The following PEX14 variants were observed in gnomAD, a reference collection of about 807,000 sequenced individuals.
PEX14 encodes peroxisomal biogenesis factor 14.
A neutral mutation model predicts 49.5 loss-of-function variants in PEX14; 15 were observed. The observed-to-expected ratio is 0.30, with a 90% CI of 0.20 to 0.47. The LOEUF (loss-of-function observed/expected upper bound fraction) is 0.47, where lower values mean the gene tolerates loss of function less well. Among genes scored for constraint, PEX14 ranks in the 20% least tolerant of loss-of-function variants. PEX14 has a pLI of 1.00. For synonymous variants in PEX14, 210 were observed against 212.7 expected (o/e 0.99, Z 0.11); for missense variants, 398 against 494.8 (o/e 0.80, Z 1.86).
At chr1:10,475,301 A>G (rs1006564634) in intron 1 of PEX14, among the ~76,000 whole-genome samples, 1 of 151,880 alleles carries the variant, frequency 6.6e-6, no homozygotes, top group Non-Finnish European at 1.5e-5. Context: ...GGGTGACGGG[A>G]CCCTTGGGAA....
At chr1:10,590,808 G>A (rs1306851744) in intron 3 of PEX14, among the ~76,000 whole-genome samples, 1 of 152,222 alleles carries the variant, frequency 6.6e-6, no homozygotes, top group East Asian at 1.9e-4. Flanking sequence ...TCAGATTAAT[G>A]TGAGGACTTG....
intron 3 of PEX14, 113 bp downstream of exon 3, chr1:10,536,410 C>A: frequency 1.3e-6 from 1 of 755,922 alleles, no homozygotes; most frequent in Non-Finnish European, 2.4e-6. Context: ...TAGAGCTGCC[C>A]ACTCATGGGG....
chr1:10,529,117 C>T lies in PEX14; in HGVS notation c.85-7096C>T, dbSNP rs905314665. ...TGCTATCTAAATTCAGGTGGGGATG[C>T]GTGGGGACAAGGCATTTAAATGTGC... On this transcript the variant is annotated intron_variant, in intron 2 of 8. Coordinates refer to ENST00000356607, the MANE Select transcript of PEX14 (RefSeq NM_004565.3). This position sits in a 1 kb window ranked among gnomAD's most constrained non-coding sequence, Gnocchi z 4.2. 5.3e-5 allele frequency among the ~76,000 whole-genome samples: 8 copies of T among 152,256 alleles called. No homozygotes were observed. The highest frequency in any genetic ancestry group is 1.9e-4 in the East Asian group (1 of 5,192).
intron 2 of PEX14, among the ~76,000 whole-genome samples, chr1:10,506,474 T>C (rs935545339): frequency 6.6e-6 from 1 of 152,086 alleles, no homozygotes; most frequent in African/African-American, 2.4e-5. Context: ...ACGAGGTTTC[T>C]GTATGTTGGT....
At chr1:10,499,361 T>G (rs938723598) in intron 2 of PEX14, among the ~76,000 whole-genome samples, 2 of 152,120 alleles carry the variant, frequency 1.3e-5, no homozygotes, top group East Asian at 3.8e-4. Flanking sequence ...CGTCTCTTCC[T>G]TTAACTTTTA....
chr1:10,557,294 C>G (rs61777205), intron 3 of PEX14, among the ~76,000 whole-genome samples: 6,699 of 152,186 alleles, frequency 0.044, 327 homozygotes, highest in African/African-American at 0.11. Context: ...GGGTAAAAAC[C>G]TCAGAGTTAG....
chr1:10,540,829 G>A (rs755311934), intron 3 of PEX14, among the ~76,000 whole-genome samples: 23 of 152,070 alleles, frequency 1.5e-4, no homozygotes, highest in Non-Finnish European at 2.1e-4. Flanking sequence ...AAACTCCTGC[G>A]GCTGAGCTGG....
chr1:10,622,505 A>G (rs1364405286), intron 5 of PEX14, among the ~76,000 whole-genome samples: 1 of 152,186 alleles, frequency 6.6e-6, no homozygotes, highest in African/African-American at 2.4e-5. Context: ...TAGTTTCTCC[A>G]GCGATGTTTT....
In PEX14 at chr1:10,553,235, G is replaced by A. The variant is rs72870932; in HGVS notation, c.169+16938G>A. 6.0e-3 allele frequency among the ~76,000 whole-genome samples: 907 copies of A among 152,326 alleles called. 6 individuals carry two copies. The highest frequency in any genetic ancestry group is 0.02 in the African/African-American group (852 of 41,568). Reference sequence around the variant, plus strand: ...CAGAATCTCCTGGGAATTGGTGGCTGAATGGATGCAAGAGTGAAGAAGAGG... The same window carrying A: ...CAGAATCTCCTGGGAATTGGTGGCTAAATGGATGCAAGAGTGAAGAAGAGG... On this transcript the variant is annotated intron_variant, in intron 3 of 8. Transcript: ENST00000356607.
chr1:10,481,564 C>T (rs774211141), intron 1 of PEX14, among the ~76,000 whole-genome samples: 19 of 151,986 alleles, frequency 1.3e-4, no homozygotes, highest in Non-Finnish European at 1.8e-4. Context: ...GCCTCAGCCT[C>T]CCGAGTAGCT....
chr1:10,627,332 A>G lies in PEX14; in HGVS notation c.646A>G (p.Ile216Val). The change falls in exon 8 of 9, where the codon ATT (isoleucine) becomes GTT (valine). Residue 216 changes from isoleucine (I) to valine (V), a missense_variant. Ile to Val is a conservative substitution (Grantham distance 29). Coordinates refer to ENST00000356607, the MANE Select transcript of PEX14 (RefSeq NM_004565.3). Reference protein sequence around the residue: ...SQNINELKSEINSLKGLLLNR... With the variant: ...SQNINELKSEVNSLKGLLLNR... ...GAATATCAACGAACTCAAGTCCGAAATTAACTCCTTGAAAGGGCTTCTTTT... is the reference window on the plus strand; with the variant it reads ...GAATATCAACGAACTCAAGTCCGAAGTTAACTCCTTGAAAGGGCTTCTTTT... 1 of 1,613,084 alleles carries G rather than the reference A, an allele frequency of 6.2e-7. No individual in the cohort carries two copies. Among genetic ancestry groups the G allele is most frequent in the Non-Finnish European group, 8.5e-7 (1 of 1,179,102 alleles).
intron 4 of PEX14, among the ~76,000 whole-genome samples, chr1:10,607,157 A>AT (rs913883167): frequency 3.3e-5 from 5 of 150,760 alleles, no homozygotes; most frequent in Non-Finnish European, 7.4e-5. Context: ...TCTTGTTTCT[A>AT]TTTTTTTTCT....
chr1:10,571,388 A>G lies in PEX14; in HGVS notation c.170-27850A>G, dbSNP rs1363966252. ...ATTTACCAGGGGGTGGGGGTGGGATATAGGGTTTTCTTGTTTATGATGGGT... is the reference window on the plus strand; with the variant it reads ...ATTTACCAGGGGGTGGGGGTGGGATGTAGGGTTTTCTTGTTTATGATGGGT... On this transcript the variant is annotated intron_variant, in intron 3 of 8. Transcript: ENST00000356607. Among the ~76,000 whole-genome samples the G allele has an allele frequency of 4.6e-5, 7 of 151,776 alleles. No individual in the cohort carries two copies. The East Asian group carries it at 9.7e-4, about 21-fold the overall frequency.
chr1:10,568,549 G>A (rs1639880772), intron 3 of PEX14, among the ~76,000 whole-genome samples: 1 of 151,970 alleles, frequency 6.6e-6, no homozygotes, highest in Admixed American at 6.6e-5. Flanking sequence ...ATTCCAGCCA[G>A]TTGTAGTGTA....
intron 3 of PEX14, among the ~76,000 whole-genome samples, chr1:10,536,883 ATTTTTC>A (rs889173005): frequency 1.3e-5 from 2 of 152,100 alleles, no homozygotes; most frequent in African/African-American, 4.8e-5. Context: ...ACTTCAGGGT[ATTTTTC>A]TTTTTTTGTA....
intron 3 of PEX14, among the ~76,000 whole-genome samples, chr1:10,536,838 T>C (rs568446495): frequency 3.0e-4 from 46 of 152,330 alleles, no homozygotes; most frequent in Admixed American, 2.5e-3. Context: ...AAATTCAATA[T>C]TGTCTGAAGA....
chr1:10,612,257 T>C (rs1230880566), intron 4 of PEX14, among the ~76,000 whole-genome samples: 1 of 152,174 alleles, frequency 6.6e-6, no homozygotes, highest in African/African-American at 2.4e-5. Flanking sequence ...CCTTTCCCCA[T>C]AGAGCTACCT....
At chr1:10,595,794 T>C (rs1640817708) in intron 3 of PEX14, among the ~76,000 whole-genome samples, 1 of 152,198 alleles carries the variant, frequency 6.6e-6, no homozygotes, top group African/African-American at 2.4e-5. Context: ...CTAATTTGCA[T>C]GAGATTATTT....
intron 3 of PEX14, among the ~76,000 whole-genome samples, chr1:10,550,881 C>T (rs184025436): frequency 3.2e-4 from 49 of 152,280 alleles, no homozygotes; most frequent in Non-Finnish European, 5.3e-4. Flanking sequence ...TTTTCATATA[C>T]ATTTCAGTAA....
Sources: allele counts gnomAD v4.1 joint callset (sites outside exome capture counted in the v4.1 genomes callset), GRCh38; gene constraint gnomAD v4.1.1; non-coding constraint Gnocchi (gnomAD v3.1); transcripts MANE v1.5; gene names NCBI Gene and HGNC (gene_info 2026-07-23, HGNC 2026-07-21).